The following TENM2 variants were observed in gnomAD, a reference collection of about 807,000 sequenced individuals.
TENM2 encodes the protein teneurin transmembrane protein 2.
Under a neutral mutation model 245.2 loss-of-function variants are expected in TENM2, and 52 were observed. That is an observed-to-expected ratio of 0.21 (90% confidence interval 0.17 to 0.27). The LOEUF is 0.27. TENM2 is among the 10% of genes least tolerant of loss of function. TENM2 has a pLI of 1.00. For synonymous variants in TENM2, 1,363 were observed against 1,438.9 expected, an observed-to-expected ratio of 0.95 and a Z score of 1.19; for missense variants, 3,046 against 3,666.8, an observed-to-expected ratio of 0.83 and a Z score of 4.37.
chr5:167,727,389 G>A (rs1482308607), intron 2 of TENM2, among the ~76,000 whole-genome samples: 2 of 152,164 alleles, frequency 1.3e-5, no homozygotes, highest in Non-Finnish European at 2.9e-5. Flanking sequence ...TGGGATTACA[G>A]GCGTGAGCCA....
intron 2 of TENM2, among the ~76,000 whole-genome samples, chr5:167,677,688 T>C (rs974322574): frequency 3.1e-4 from 46 of 149,804 alleles, no homozygotes; most frequent in Non-Finnish European, 4.4e-4. Flanking sequence ...CAAAATATGG[T>C]TTATATATTT....
chr5:167,916,072 T>C (rs769096239), intron 3 of TENM2, among the ~76,000 whole-genome samples: 4 of 152,212 alleles, frequency 2.6e-5, no homozygotes, highest in Non-Finnish European at 5.9e-5. Flanking sequence ...ATAACAGATA[T>C]CGTGCACGTG....
At chr5:168,139,305 T>G (rs146951580) in intron 12 of TENM2, among the ~76,000 whole-genome samples, 30 of 152,338 alleles carry the variant, frequency 2.0e-4, no homozygotes, top group African/African-American at 6.5e-4. Flanking sequence ...TTTTTATCTT[T>G]TAATCCTCTG....
chr5:167,394,209 C>T (rs1761923054), intron 2 of TENM2, among the ~76,000 whole-genome samples: 1 of 152,148 alleles, frequency 6.6e-6, no homozygotes, highest in Admixed American at 6.6e-5. Context: ...AGACCAAAGT[C>T]ATGAAGTTCT....
intron 2 of TENM2, among the ~76,000 whole-genome samples, chr5:167,634,660 C>CTT (rs879311468): frequency 6.9e-6 from 1 of 144,012 alleles, no homozygotes. Context: ...AATAAAGCTT[C>CTT]TTTTTTTTTT....
intron 2 of TENM2, among the ~76,000 whole-genome samples, chr5:167,858,542 A>G (rs574563084): frequency 6.6e-6 from 1 of 152,140 alleles, no homozygotes; most frequent in African/African-American, 2.4e-5. Flanking sequence ...CAACGTCAAG[A>G]GAAGGCTCGA....
At chr5:167,713,868 C>T (rs1759076554) in intron 2 of TENM2, among the ~76,000 whole-genome samples, 2 of 152,144 alleles carry the variant, frequency 1.3e-5, no homozygotes, top group Non-Finnish European at 2.9e-5. Flanking sequence ...TCAGCATTCC[C>T]AATATTGACA....
chr5:167,032,658 C>T, the TENM2 span, among the ~76,000 whole-genome samples: 15 of 152,126 alleles, frequency 9.9e-5, no homozygotes, highest in Non-Finnish European at 2.2e-4. Context: ...GTATGGGAAT[C>T]GTGCAATGAA....
At chr5:168,144,988 GTGTC>G (rs1274116869) in intron 12 of TENM2, among the ~76,000 whole-genome samples, 2 of 151,768 alleles carry the variant, frequency 1.3e-5, no homozygotes, top group Non-Finnish European at 2.9e-5. Context: ...CTTTTGAGAA[GTGTC>G]TGTTCATGTC....
At chr5:167,603,584 G>C (rs1010560729) in intron 2 of TENM2, among the ~76,000 whole-genome samples, 1 of 152,178 alleles carries the variant, frequency 6.6e-6, no homozygotes, top group Non-Finnish European at 1.5e-5. Flanking sequence ...AGAAGGCAGG[G>C]GTGGGAGGAT....
intron 20 of TENM2, among the ~76,000 whole-genome samples, chr5:168,213,972 A>G (rs1762986076): frequency 6.6e-6 from 1 of 152,364 alleles, no homozygotes; most frequent in South Asian, 2.1e-4. Flanking sequence ...ATGAGCACCT[A>G]TTCTGGTCCC....
chr5:168,090,514 C>T (rs1792846948), intron 7 of TENM2, 60 bp from the exon 10 acceptor site: 3 of 1,431,074 alleles, frequency 2.1e-6, no homozygotes, highest in African/African-American at 1.4e-5. Context: ...GGGAAGGTAC[C>T]AGGTATGGGA....
At chr5:167,268,919 TAGATAGATAGAC>T in the TENM2 span, among the ~76,000 whole-genome samples, 841 of 150,306 alleles carry the variant, frequency 5.6e-3, 2 homozygotes, top group Non-Finnish European at 9.4e-3. Context: ...GATAGATAGA[TAGATAGATAGAC>T]AGACATTTTT....
intron 22 of TENM2, 139 bp downstream of exon 24, chr5:168,217,061 CTG>C: frequency 1.1e-6 from 1 of 874,512 alleles, no homozygotes; most frequent in Non-Finnish European, 1.8e-6. Context: ...TGGAGAAAGC[CTG>C]AGATGAGCTA....
intron 12 of TENM2, among the ~76,000 whole-genome samples, chr5:168,144,629 C>T (rs866454929): frequency 4.6e-5 from 7 of 151,070 alleles, no homozygotes; most frequent in East Asian, 1.9e-4. Context: ...TGAATAATGC[C>T]GCAATAAACA....
chr5:167,161,018 A>G, the TENM2 span, among the ~76,000 whole-genome samples: 1 of 152,244 alleles, frequency 6.6e-6, no homozygotes, highest in East Asian at 1.9e-4. Context: ...TTCCTTGAAC[A>G]CTAGTGTCCT....
At chr5:167,188,416 A>C in the TENM2 span, among the ~76,000 whole-genome samples, 1 of 152,144 alleles carries the variant, frequency 6.6e-6, no homozygotes, top group Non-Finnish European at 1.5e-5. Flanking sequence ...CAAAACACGA[A>C]ATGAGCCACT....
intron 3 of TENM2, among the ~76,000 whole-genome samples, chr5:167,883,630 T>C (rs1228707959): frequency 6.6e-6 from 1 of 152,182 alleles, no homozygotes; most frequent in Non-Finnish European, 1.5e-5. Context: ...ACATTCTACC[T>C]CTCCATTTCT....
chr5:167,504,952 A>G (rs1009277696), intron 2 of TENM2, among the ~76,000 whole-genome samples: 3 of 152,028 alleles, frequency 2.0e-5, no homozygotes, highest in African/African-American at 4.8e-5. Context: ...TTCGTCATTC[A>G]AAAAGCTGGG....
Sources: gnomAD v4.1 joint callset for allele counts (sites outside exome capture counted in the v4.1 genomes callset) on GRCh38, gnomAD v4.1.1 for gene constraint, MANE v1.5 for transcripts, NCBI Gene and HGNC (gene_info 2026-07-23, HGNC 2026-07-21) for gene names.